The following LEPROTL1 variants were observed in gnomAD, a reference collection of about 807,000 sequenced individuals.
The protein encoded by LEPROTL1 is leptin receptor overlapping transcript-like 1.
LEPROTL1 carries 6 observed loss-of-function variants against 15.4 expected under a neutral mutation model. The ratio of observed to expected loss-of-function variants is 0.39; its 90% CI spans 0.21 to 0.77. LEPROTL1 has a LOEUF of 0.77. LEPROTL1 is among the 30% of genes least tolerant of loss of function. The pLI, the probability that LEPROTL1 is intolerant of heterozygous loss-of-function variation, is 0.41. For synonymous variants in LEPROTL1, 56 were observed against 52.6 expected (o/e 1.06, Z -0.28); for missense variants, 128 against 158.1 (o/e 0.81, Z 1.02).
At chr8:30,132,192 C>T (rs2117531709) in intron 3 of LEPROTL1, 1 of 1,551,856 alleles carries the variant, frequency 6.4e-7, no homozygotes, top group Non-Finnish European at 8.7e-7. Context: ...CTTCCACCAT[C>T]ACGGCCCAGC....
intron 3 of LEPROTL1, among the ~76,000 whole-genome samples, chr8:30,114,728 A>G (rs1223925889): frequency 1.3e-5 from 2 of 152,248 alleles, no homozygotes; most frequent in Non-Finnish European, 2.9e-5. Flanking sequence ...CTCAGGGCTA[A>G]CAACAAAGGT....
At chr8:30,096,284 G>T in intron 1 of LEPROTL1, 1 of 978,078 alleles carries the variant, frequency 1.0e-6, no homozygotes, top group South Asian at 4.7e-5. Context: ...TTTAAAAAAA[G>T]GAATGTTGCA....
rs1196163498 is a variant in LEPROTL1 at position 30,106,440 on chromosome 8, C to T, written c.*578C>T. On this transcript the variant is annotated 3_prime_UTR_variant, in exon 4 of 4. Coordinates refer to ENST00000321250, the MANE Select transcript of LEPROTL1 (RefSeq NM_015344.3). Reference sequence around the variant, plus strand: ...ACCTCAGAGGGGCCAAGTGTTAATGCCCATGCCCTCCGTTAAGGGTTGTTG... The same window carrying T: ...ACCTCAGAGGGGCCAAGTGTTAATGTCCATGCCCTCCGTTAAGGGTTGTTG... 4.1e-6 allele frequency: 4 copies of T among 985,642 alleles called. No homozygotes were observed. Among genetic ancestry groups the T allele is most frequent in the Non-Finnish European group, 4.8e-6 (4 of 829,894 alleles). The allele number at this position is 985,642 out of a possible 1,614,324, so 61.1% of individuals were successfully genotyped here.
chr8:30,133,016 A>G, intron 4 of LEPROTL1: 2 of 1,019,600 alleles, frequency 2.0e-6, no homozygotes, highest in Non-Finnish European at 2.7e-6. Context: ...CTGTACAGCT[A>G]AGATTAATCT....
At chr8:30,137,387 G>A (rs1317709733) in exon 5 of LEPROTL1, 1 of 1,551,578 alleles carries the variant, frequency 6.4e-7, no homozygotes, top group East Asian at 2.4e-5. Flanking sequence ...TTACCTGCAA[G>A]CAGAGTGTCC....
rs2117491076 is a variant in LEPROTL1 at position 30,107,919 on chromosome 8, A to G, written c.*2057A>G. The G allele has an allele frequency of 8.1e-6, 8 of 985,336 alleles. No individual in the cohort carries two copies. The highest frequency in any genetic ancestry group is 8.4e-6 in the Non-Finnish European group (7 of 829,834). 61.0% of individuals were successfully genotyped at this position (985,336 alleles called of 1,614,324 possible). ...GGCAGCATTGTGTCTTTGACCTTGT[A>G]TACTAGCTTGACATAGTGCTGTCTC... On this transcript the variant is annotated 3_prime_UTR_variant, in exon 4 of 4. Transcript: ENST00000321250.
At chr8:30,130,818 C>T (rs1193551706) in intron 3 of LEPROTL1, among the ~76,000 whole-genome samples, 3 of 134,428 alleles carry the variant, frequency 2.2e-5, no homozygotes, top group East Asian at 4.3e-4. Context: ...CTTGCTCTGT[C>T]GCCCAGGCTG....
chr8:30,132,504 C>T, intron 4 of LEPROTL1: 1 of 1,551,704 alleles, frequency 6.4e-7, no homozygotes, highest in Non-Finnish European at 8.7e-7. Flanking sequence ...GCTTGAAAAG[C>T]CCAGCTGTGG....
At chr8:30,097,951 G>T (rs1190461368) in intron 1 of LEPROTL1, among the ~76,000 whole-genome samples, 2 of 147,674 alleles carry the variant, frequency 1.4e-5, no homozygotes, top group Non-Finnish European at 3.0e-5. Flanking sequence ...TGTAATCAAA[G>T]AATTTAGGCC....
intron 3 of LEPROTL1, among the ~76,000 whole-genome samples, chr8:30,127,277 C>G (rs759435886): frequency 2.0e-5 from 3 of 152,158 alleles, no homozygotes; most frequent in Non-Finnish European, 4.4e-5. Flanking sequence ...ATTTCTTAAT[C>G]ACCAAACTCT....
At chr8:30,132,683 C>A in intron 4 of LEPROTL1, 1 of 1,551,776 alleles carries the variant, frequency 6.4e-7, no homozygotes, top group Non-Finnish European at 8.7e-7. Flanking sequence ...GACCCTTGAA[C>A]ACGAGCCTGA....
intron 3 of LEPROTL1, chr8:30,104,720 T>C (rs1310652749): frequency 1.2e-5 from 4 of 339,142 alleles, no homozygotes; most frequent in African/African-American, 6.5e-5. Context: ...TTTTCTTTTT[T>C]TTTTTTTTTT....
At chr8:30,113,927 C>G (rs1305956392) in intron 3 of LEPROTL1, among the ~76,000 whole-genome samples, 3 of 152,110 alleles carry the variant, frequency 2.0e-5, no homozygotes, top group Non-Finnish European at 4.4e-5. Context: ...AGTATTGGAG[C>G]CACCCACCGG....
chr8:30,100,445 T>A (rs1384135043), intron 1 of LEPROTL1, among the ~76,000 whole-genome samples: 1 of 152,186 alleles, frequency 6.6e-6, no homozygotes, highest in African/African-American at 2.4e-5. Context: ...AATTTATCAT[T>A]TACTTATTTA....
Position 30,104,324 on chromosome 8 carries a change from AT to A in LEPROTL1, c.124del (p.Tyr42ThrfsTer10). 5.2e-6 allele frequency: 8 copies of A among 1,545,960 alleles called. No individual in the cohort carries two copies. Among genetic ancestry groups the A allele is most frequent in the Admixed American group, 4.0e-5 (2 of 50,546 alleles). ...YNKYWPLFVL[F>X]FYILSPIPYC... ...GCAAATACTGGCCCCTCTTTGTTCT[AT>A]TTTTTTACATCCTTTCACCTATTCC... On this transcript the variant is annotated frameshift_variant, in exon 3 of 4. Transcript: ENST00000321250. LOFTEE classifies it high-confidence loss of function.
intron 3 of LEPROTL1, chr8:30,104,703 C>CT (rs780769156): frequency 2.4e-3 from 794 of 333,332 alleles, no homozygotes; most frequent in East Asian, 3.1e-3. Flanking sequence ...CTTGCTAATA[C>CT]TTTTTTTTTT....
chr8:30,120,063 C>CAATAAATAAATA (rs201416312), intron 3 of LEPROTL1, among the ~76,000 whole-genome samples: 9 of 100,520 alleles, frequency 9.0e-5, no homozygotes, highest in African/African-American at 2.0e-4. Context: ...GAGACTCCAT[C>CAATAAATAAATA]AATAAATAAA....
chr8:30,099,813 AGT>A (rs33971942), intron 1 of LEPROTL1, among the ~76,000 whole-genome samples: 133,683 of 151,856 alleles, frequency 0.88, 59,918 homozygotes, highest in East Asian at 1. Context: ...GAAGGGACAA[AGT>A]GTGCACAGGC....
In LEPROTL1 at chr8:30,104,312, C is replaced by A; in HGVS notation, c.105C>A (p.Pro35=). Residue 35 remains proline (P), a synonymous_variant, in exon 3 of 4, where the codon CCC becomes CCA. Transcript: ENST00000321250. ...CALPIYNKYW[P]LFVLFFYILS... is the part of the protein sequence containing the mutation. ...TTTCTTTTTCTAGCAAATACTGGCC[C>A]CTCTTTGTTCTATTTTTTTACATCC... 6.7e-7 allele frequency: 1 copy of A among 1,500,564 alleles called. No individual in the cohort carries two copies. Among genetic ancestry groups the A allele is most frequent in the Non-Finnish European group, 8.9e-7 (1 of 1,118,752 alleles). The allele number at this position is 1,500,564 out of a possible 1,614,324, so 93.0% of individuals were successfully genotyped here.
Sources: gnomAD v4.1 joint callset for allele counts (sites outside exome capture counted in the v4.1 genomes callset) on GRCh38, gnomAD v4.1.1 for gene constraint, MANE v1.5 for transcripts, NCBI Gene and HGNC (gene_info 2026-07-23, HGNC 2026-07-21) for gene names.